Variants in HCN1 observed in about 807,000 individuals in gnomAD.
HCN1 encodes hyperpolarization activated cyclic nucleotide gated potassium channel 1.
A neutral mutation model predicts 78.9 loss-of-function variants in HCN1; 13 were observed. The ratio of observed to expected loss-of-function variants is 0.16; its 90% CI spans 0.11 to 0.26. The LOEUF (loss-of-function observed/expected upper bound fraction) is 0.26. Ranked by LOEUF, HCN1 falls within the 10% of genes least tolerant of loss-of-function variation. HCN1 has a pLI of 1.00. For synonymous variants in HCN1, 552 were observed against 455.5 expected, an observed-to-expected ratio of 1.21 and a Z score of -2.70; for missense variants, 810 against 1,154.3, an observed-to-expected ratio of 0.70 and a Z score of 4.32.
intron 6 of HCN1, among the ~76,000 whole-genome samples, chr5:45,284,560 TCTAA>T (rs1382748609): frequency 6.6e-6 from 1 of 152,148 alleles, no homozygotes; most frequent in African/African-American, 2.4e-5. Flanking sequence ...AACTGTGTTT[TCTAA>T]CTATGTCAAT....
intron 2 of HCN1, chr5:45,644,307 A>G (rs1252755446): frequency 1.3e-5 from 2 of 152,176 alleles, no homozygotes; most frequent in Non-Finnish European, 2.9e-5. Context: ...TATGCAGACT[A>G]TAAAATTCAG....
intron 2 of HCN1, among the ~76,000 whole-genome samples, chr5:45,572,865 T>C (rs952747160): frequency 6.6e-6 from 1 of 152,128 alleles, no homozygotes; most frequent in Non-Finnish European, 1.5e-5. Flanking sequence ...GTTCAATATA[T>C]TAAATGTCAT....
chr5:45,340,073 C>G (rs1256724126), intron 5 of HCN1, among the ~76,000 whole-genome samples: 1 of 152,044 alleles, frequency 6.6e-6, no homozygotes, highest in African/African-American at 2.4e-5. Flanking sequence ...TGCCCACCAC[C>G]ACTCCCAGCT....
chr5:45,354,399 T>C (rs1487377251), intron 4 of HCN1, among the ~76,000 whole-genome samples: 1 of 152,028 alleles, frequency 6.6e-6, no homozygotes, highest in Non-Finnish European at 1.5e-5. Flanking sequence ...TGGATAAAGA[T>C]GTCAAAATAA....
chr5:45,319,355 G>T (rs938079299), intron 5 of HCN1, among the ~76,000 whole-genome samples: 9 of 151,802 alleles, frequency 5.9e-5, no homozygotes, highest in Admixed American at 5.9e-4. Context: ...GGCAAAATTT[G>T]ATTTTATCAT....
chr5:45,522,943 A>G (rs1022241647), intron 2 of HCN1, among the ~76,000 whole-genome samples: 3 of 151,754 alleles, frequency 2.0e-5, no homozygotes, highest in East Asian at 3.9e-4. Context: ...GTGCCATGCT[A>G]GTGTGCTGCA....
intron 6 of HCN1, among the ~76,000 whole-genome samples, chr5:45,296,455 G>GA (rs1745496097): frequency 6.6e-6 from 1 of 151,774 alleles, no homozygotes. Context: ...GTATGAGGCA[G>GA]AAAATGAAGT....
chr5:45,524,278 T>C (rs1298271921), intron 2 of HCN1, among the ~76,000 whole-genome samples: 1 of 152,170 alleles, frequency 6.6e-6, no homozygotes, highest in East Asian at 1.9e-4. Context: ...GTAGTATAGT[T>C]TGAAGTCAGG....
chr5:45,517,985 A>C (rs1296052285), intron 2 of HCN1, among the ~76,000 whole-genome samples: 1 of 152,044 alleles, frequency 6.6e-6, no homozygotes, highest in Non-Finnish European at 1.5e-5. Flanking sequence ...ACACCTCCTA[A>C]ATTTTGTCAG....
At chr5:45,373,513 T>C (rs1379189479) in intron 4 of HCN1, among the ~76,000 whole-genome samples, 5 of 141,266 alleles carry the variant, frequency 3.5e-5, no homozygotes, top group Non-Finnish European at 7.6e-5. Flanking sequence ...ATACATCATC[T>C]ATAATATATA....
intron 4 of HCN1, among the ~76,000 whole-genome samples, chr5:45,354,355 A>T (rs1359155957): frequency 6.6e-6 from 1 of 152,042 alleles, no homozygotes; most frequent in Non-Finnish European, 1.5e-5. Flanking sequence ...AGATGACAGC[A>T]TCGAGTACAA....
In HCN1 at chr5:45,400,768, T is replaced by C. The variant is rs1044339520; in HGVS notation, c.1012-4058A>G. 2.6e-5 allele frequency among the ~76,000 whole-genome samples: 4 copies of C among 152,150 alleles called. No individual in the cohort carries two copies. In the South Asian group the frequency reaches 6.2e-4, roughly 24 times the overall value. On this transcript the variant is annotated intron_variant, in intron 3 of 7. Coordinates refer to ENST00000303230, the MANE Select transcript of HCN1 (RefSeq NM_021072.4). ...TTTTCTATTTTCCATTCTTCACATG[T>C]TTCCATTCCTCTTTCTCTACCTACA...
chr5:45,322,209 TTAA>T (rs1746139391), intron 5 of HCN1, among the ~76,000 whole-genome samples: 1 of 151,870 alleles, frequency 6.6e-6, no homozygotes, highest in Non-Finnish European at 1.5e-5. Context: ...CTAAGGACAC[TTAA>T]TAAAGGTGTT....
intron 4 of HCN1, among the ~76,000 whole-genome samples, chr5:45,359,726 G>C (rs566441023): frequency 4.0e-5 from 6 of 151,672 alleles, no homozygotes; most frequent in Non-Finnish European, 8.8e-5. Context: ...TACAGCATCA[G>C]ATGAAAGGCA....
chr5:45,631,556 T>A (rs1745270270), intron 2 of HCN1, among the ~76,000 whole-genome samples: 1 of 151,970 alleles, frequency 6.6e-6, no homozygotes, highest in Admixed American at 6.6e-5. Context: ...ATGATAACAT[T>A]CCCAATATTG....
intron 3 of HCN1, among the ~76,000 whole-genome samples, chr5:45,456,827 T>C (rs190367417): frequency 1.3e-5 from 2 of 152,174 alleles, no homozygotes; most frequent in Admixed American, 1.3e-4. Context: ...TTTTTCTTCA[T>C]TTTGACTACG....
intron 3 of HCN1, among the ~76,000 whole-genome samples, chr5:45,449,832 A>C (rs1188572310): frequency 6.6e-6 from 1 of 152,010 alleles, no homozygotes; most frequent in Non-Finnish European, 1.5e-5. Context: ...TAAGAACATA[A>C]GTTGGTTTTT....
At chr5:45,459,210 C>G (rs1270333825) in intron 3 of HCN1, among the ~76,000 whole-genome samples, 1 of 151,664 alleles carries the variant, frequency 6.6e-6, no homozygotes, top group Non-Finnish European at 1.5e-5. Flanking sequence ...TTAAGACCAG[C>G]CTTGGCGACA....
intron 4 of HCN1, among the ~76,000 whole-genome samples, chr5:45,355,129 A>G (rs1003407770): frequency 6.6e-6 from 1 of 152,020 alleles, no homozygotes; most frequent in Non-Finnish European, 1.5e-5. Context: ...TCATTTATGA[A>G]TCAACAATAA....
Sources: gnomAD v4.1 joint callset for allele counts (sites outside exome capture counted in the v4.1 genomes callset) on GRCh38, gnomAD v4.1.1 for gene constraint, MANE v1.5 for transcripts, NCBI Gene and HGNC (gene_info 2026-07-23, HGNC 2026-07-21) for gene names.